TBCD: variants seen among roughly 807,000 people sequenced by gnomAD.
TBCD encodes tubulin-specific chaperone D.
TBCD carries 105 observed loss-of-function variants against 169.3 expected under a neutral mutation model. The ratio of observed to expected loss-of-function variants is 0.62; its 90% CI spans 0.53 to 0.73. The LOEUF is 0.73. Ranked by LOEUF, TBCD falls within the 30% of genes least tolerant of loss-of-function variation. The probability of loss-of-function intolerance (pLI) is 0.00; values close to 1 mark genes in which losing one functional copy is unlikely to be tolerated. For synonymous variants in TBCD, 700 were observed against 643.9 expected (o/e 1.09, Z -1.32); for missense variants, 1,444 against 1,600.1 (o/e 0.90, Z 1.66).
At chr17:82,913,182 G>A (rs1398694927) in intron 23 of TBCD, 1 of 152,312 alleles carries the variant, frequency 6.6e-6, no homozygotes, top group Non-Finnish European at 1.5e-5. Flanking sequence ...AGTTTGGCTT[G>A]GGATGGAGTG....
intron 7 of TBCD, among the ~76,000 whole-genome samples, chr17:82,797,266 A>C (rs1204069471): frequency 6.6e-6 from 1 of 152,202 alleles, no homozygotes; most frequent in Non-Finnish European, 1.5e-5. Context: ...CCGGGCTGCC[A>C]GGTGTGTGTG....
intron 13 of TBCD, chr17:82,830,234 C>T (rs2053356182): frequency 1.9e-6 from 3 of 1,614,270 alleles, no homozygotes; most frequent in African/African-American, 2.7e-5. Context: ...TTTCCAGCAT[C>T]CCTTAGACTT....
In TBCD at chr17:82,830,885, A is replaced by C. The variant is rs201882140; in HGVS notation, c.1318+15951A>C. The C allele has an allele frequency of 4.7e-4, 764 of 1,612,704 alleles. 1 individual carries two copies. Among genetic ancestry groups the C allele is most frequent in the Non-Finnish European group, 5.3e-4 (626 of 1,180,012 alleles). On this transcript the variant is annotated intron_variant, in intron 13 of 38. Coordinates refer to ENST00000355528, the MANE Select transcript of TBCD (RefSeq NM_005993.5). ...CCGTTCACAACATTGAGGCTAGAAG[A>C]AGCCAAGAAAAAGCTTAGTAGGAGC...
In TBCD at chr17:82,941,399, G is replaced by A; in HGVS notation, c.3480G>A (p.Trp1160Ter). 1 of 1,589,490 alleles carries A rather than the reference G, an allele frequency of 6.3e-7. No individual in the cohort carries two copies. ...CTCACGGCTCTCCCTCTCCTCACAG[G>A]GACGCGGAGCTTGCAGTGGTGAGAG... ...EVVTVLSDTA[W>*]DAELAVVREQ... Residue 1160 changes from tryptophan (W) to a stop codon, truncating the protein, a stop_gained and splice_region_variant, in exon 38 of 39, where the codon TGG becomes TGA. Coordinates refer to ENST00000355528, the MANE Select transcript of TBCD (RefSeq NM_005993.5). LOFTEE classifies it high-confidence loss of function.
intron 3 of TBCD, 96 bp from the exon 4 acceptor site, chr17:82,766,171 C>T (rs1484781460): frequency 1.5e-5 from 14 of 912,314 alleles, no homozygotes; most frequent in Admixed American, 2.1e-5. Context: ...ATCAGTGGGT[C>T]GCGTAGCTGG....
intron 5 of TBCD, among the ~76,000 whole-genome samples, chr17:82,770,866 T>C (rs891966960): frequency 6.6e-6 from 1 of 151,786 alleles, no homozygotes; most frequent in African/African-American, 2.4e-5. Context: ...ATACAAAAAT[T>C]AGCCGGGAAT....
At chr17:82,885,659 ATTTTCT>A (rs2058665477) in intron 15 of TBCD, among the ~76,000 whole-genome samples, 1 of 152,162 alleles carries the variant, frequency 6.6e-6, no homozygotes, top group Admixed American at 6.5e-5. Context: ...AAGCTTTTAG[ATTTTCT>A]TTACTGCAAC....
At chr17:82,886,609 G>C (rs2058719897) in intron 15 of TBCD, among the ~76,000 whole-genome samples, 1 of 122,506 alleles carries the variant, frequency 8.2e-6, no homozygotes, top group South Asian at 2.8e-4. Context: ...TTTTATTTTG[G>C]GATAATTGAG....
chr17:82,830,995 G>T (rs764375701), intron 13 of TBCD: 283 of 1,613,778 alleles, frequency 1.8e-4, no homozygotes, highest in Non-Finnish European at 2.4e-4. Flanking sequence ...TCCCTTGGAG[G>T]TTTTGAAAAT....
rs945870545 is a variant in TBCD at position 82,906,183 on chromosome 17, T to G, written c.1922+130T>G. On this transcript the variant is annotated intron_variant, in intron 20 of 38. Coordinates refer to ENST00000355528, the MANE Select transcript of TBCD (RefSeq NM_005993.5). ...TTGTTTATCTGCACCAGTGTCACAG[T>G]CGATAGGCCCCAGGTTGTATTGATG... 8.5e-6 allele frequency: 6 copies of G among 705,754 alleles called. No individual in the cohort carries two copies. The African/African-American group carries it at 1.1e-4, about 13-fold the overall frequency. 43.7% of individuals were successfully genotyped at this position (705,754 alleles called of 1,614,324 possible).
At position 82,944,032 on chromosome 17, in the gene TBCD, C is replaced by G. The variant is rs765717090; in HGVS notation, c.*1569C>G. On this transcript the variant is annotated 3_prime_UTR_variant, in exon 39 of 39. Coordinates refer to ENST00000355528, the MANE Select transcript of TBCD (RefSeq NM_005993.5). ...GCCATGCCTGCAGCTCACAAAGCTC[C>G]TGCTGGCCTGGGATGCACTGAGGAT... 1.3e-5 allele frequency: 2 copies of G among 152,170 alleles called. No homozygotes were observed. Among genetic ancestry groups the G allele is most frequent in the Non-Finnish European group, 2.9e-5 (2 of 68,046 alleles). The allele number at this position is 152,170 out of a possible 1,614,324, so 9.4% of individuals were successfully genotyped here.
Position 82,831,613 on chromosome 17 carries a change from G to A in TBCD, c.1318+16679G>A, listed in dbSNP as rs2053518936. ...CCCCGGGTGAGGCAGGAAGTGTCTC[G>A]GGTCTTGGGTTCCGTAGACTGACAG... On this transcript the variant is annotated intron_variant, in intron 13 of 38. Transcript: ENST00000355528. The surrounding 1 kb of genome is among the most constrained non-coding windows in gnomAD (Gnocchi z 4.6). 3 of 1,614,166 alleles carry A rather than the reference G, an allele frequency of 1.9e-6. No individual in the cohort carries two copies. Among genetic ancestry groups the A allele is most frequent in the Non-Finnish European group, 1.7e-6 (2 of 1,180,016 alleles).
Position 82,782,968 on chromosome 17 carries a change from G to GCCTCCTGTCCGCTGTGC in TBCD, c.771+1260_771+1276dup, listed in dbSNP as rs921785918. Among the ~76,000 whole-genome samples, 2 of 149,326 alleles carry GCCTCCTGTCCGCTGTGC rather than the reference G, an allele frequency of 1.3e-5. No individual in the cohort carries two copies. The highest frequency in any genetic ancestry group is 5.0e-5 in the African/African-American group (2 of 40,378). ...CCGCGGTGCCCTCCTGTCCATGGTG[G>GCCTCCTGTCCGCTGTGC]CCTCCTGTCCGCTGTGCCCTCCTGT... On this transcript the variant is annotated intron_variant, in intron 7 of 38. Transcript: ENST00000355528. The surrounding 1 kb of genome is among the most constrained non-coding windows in gnomAD (Gnocchi z 5.1).
intron 37 of TBCD, among the ~76,000 whole-genome samples, chr17:82,940,840 G>A (rs1385969398): frequency 3.9e-5 from 6 of 152,148 alleles, no homozygotes; most frequent in Admixed American, 2.0e-4. Context: ...TGTCCCGAGC[G>A]GGGCGAGGCC....
chr17:82,818,787 C>A (rs1374305682), intron 13 of TBCD, among the ~76,000 whole-genome samples: 1 of 152,170 alleles, frequency 6.6e-6, no homozygotes, highest in Non-Finnish European at 1.5e-5. Context: ...TGAAAACAGG[C>A]TGGGCACGGC....
Position 82,904,557 on chromosome 17 carries a change from T to G in TBCD, c.1804+1079T>G, listed in dbSNP as rs556236846. On this transcript the variant is annotated intron_variant, in intron 19 of 38. Coordinates refer to ENST00000355528, the MANE Select transcript of TBCD (RefSeq NM_005993.5). Reference sequence around the variant, plus strand: ...CATCAGTGAAGAGAGAAATCCTGTTTGTTCTGTCTTGTTTTTTTCTACTTG... The same window carrying G: ...CATCAGTGAAGAGAGAAATCCTGTTGGTTCTGTCTTGTTTTTTTCTACTTG... Among the ~76,000 whole-genome samples the G allele has an allele frequency of 2.0e-5, 3 of 152,356 alleles. No homozygotes were observed. In the South Asian group the frequency reaches 6.2e-4, roughly 32 times the overall value.
rs756930897 is a variant in TBCD, at chr17:82,905,994, G to A, written c.1863G>A (p.Ser621=). Reference sequence around the variant, plus strand: ...CAGATCTTCACATGAGGCATGGGTCGATTCTCGCCTGCGCAGAAGTTGCTT... The same window carrying A: ...CAGATCTTCACATGAGGCATGGGTCAATTCTCGCCTGCGCAGAAGTTGCTT... The part of the protein sequence containing the change: ...LSPDLHMRHG[S]ILACAEVAYA... Residue 621 remains serine (S), a synonymous_variant, in exon 20 of 39, where the codon TCG becomes TCA. Transcript: ENST00000355528. 40 of 1,613,040 alleles carry A rather than the reference G, an allele frequency of 2.5e-5. No individual in the cohort carries two copies. The highest frequency in any genetic ancestry group is 3.2e-5 in the Non-Finnish European group (38 of 1,179,558).
chr17:82,926,316 G>C, intron 27 of TBCD, 84 bp from the exon 28 acceptor site: 1 of 1,319,422 alleles, frequency 7.6e-7, no homozygotes, highest in South Asian at 1.3e-5. Flanking sequence ...GGGGTCTGTG[G>C]CTCCGGGCCA....
At chr17:82,813,553 G>A (rs571841620) in intron 12 of TBCD, among the ~76,000 whole-genome samples, 1 of 152,300 alleles carries the variant, frequency 6.6e-6, no homozygotes, top group Admixed American at 6.5e-5. Context: ...CCTTGCCACC[G>A]TGCCACAGTG....
Sources: allele counts gnomAD v4.1 joint callset (sites outside exome capture counted in the v4.1 genomes callset), GRCh38; gene constraint gnomAD v4.1.1; non-coding constraint Gnocchi (gnomAD v3.1); transcripts MANE v1.5; gene names NCBI Gene and HGNC (gene_info 2026-07-23, HGNC 2026-07-21).